PRIMPOL: variants seen among roughly 807,000 people sequenced by gnomAD.
The protein encoded by PRIMPOL is primase and DNA directed polymerase, also known as DNA-directed primase/polymerase protein.
PRIMPOL carries 54 observed loss-of-function variants against 63.6 expected under a neutral mutation model. The ratio of observed to expected loss-of-function variants is 0.85; its 90% confidence interval spans 0.68 to 1.07. The LOEUF (loss-of-function observed/expected upper bound fraction) is 1.07, where lower values mean the gene tolerates loss of function less well. Among genes scored for constraint, PRIMPOL ranks in the 50% least tolerant of loss-of-function variants. PRIMPOL has a pLI of 0.00. For missense variants in PRIMPOL, 610 were observed against 648.3 expected (o/e 0.94, Z 0.64); for synonymous variants, 197 against 220.2 (o/e 0.89, Z 0.93).
chr4:184,686,766 A>AT (rs1038254191), intron 11 of PRIMPOL, among the ~76,000 whole-genome samples: 5 of 152,086 alleles, frequency 3.3e-5, no homozygotes, highest in Non-Finnish European at 7.4e-5. Context: ...CTGGAAACAC[A>AT]TTGGGTAGCA....
intron 8 of PRIMPOL, among the ~76,000 whole-genome samples, chr4:184,678,942 G>A (rs909596233): frequency 6.6e-6 from 1 of 152,034 alleles, no homozygotes; most frequent in Admixed American, 6.6e-5. Flanking sequence ...ATTATATTTA[G>A]TGTATTTTCC....
chr4:184,659,934 C>T (rs1358472227), intron 4 of PRIMPOL, among the ~76,000 whole-genome samples: 1 of 152,018 alleles, frequency 6.6e-6, no homozygotes, highest in African/African-American at 2.4e-5. Flanking sequence ...CGTTGTTCTG[C>T]CTCAGGCTCC....
At position 184,649,866 on chromosome 4, in the gene PRIMPOL, T is replaced by A. The variant is rs1026531483; in HGVS notation, c.-180T>A. 1 of 152,264 alleles carries A rather than the reference T, an allele frequency of 6.6e-6. No individual in the cohort carries two copies. The highest frequency in any genetic ancestry group is 2.4e-5 in the African/African-American group (1 of 41,456). 9.4% of individuals were successfully genotyped at this position (152,264 alleles called of 1,614,324 possible). On this transcript the variant is annotated 5_prime_UTR_variant, in exon 1 of 14. Transcript: ENST00000314970. Reference sequence around the variant, plus strand: ...AGACAAAGCCAGGCCTGCTGCCCAGTTTGAGCTCTGGGAAGAAGAGGAGCA... The same window carrying A: ...AGACAAAGCCAGGCCTGCTGCCCAGATTGAGCTCTGGGAAGAAGAGGAGCA...
intron 8 of PRIMPOL, among the ~76,000 whole-genome samples, chr4:184,681,517 T>C (rs914512593): frequency 2.0e-5 from 3 of 152,104 alleles, no homozygotes; most frequent in African/African-American, 7.2e-5. Context: ...TTATACTATA[T>C]TGTTTTTAAT....
intron 9 of PRIMPOL, among the ~76,000 whole-genome samples, chr4:184,684,849 T>TA (rs892276287): frequency 1.4e-4 from 22 of 151,992 alleles, no homozygotes; most frequent in South Asian, 8.3e-4. Flanking sequence ...TGTACTTTGT[T>TA]AAAAAAAACA....
intron 1 of PRIMPOL, among the ~76,000 whole-genome samples, chr4:184,651,777 T>A (rs1418026950): frequency 6.6e-6 from 1 of 152,150 alleles, no homozygotes; most frequent in Non-Finnish European, 1.5e-5. Flanking sequence ...GCCTCCCAAG[T>A]GGCTGGGATT....
At chr4:184,691,955 TAAG>T (rs1758681930) in intron 13 of PRIMPOL, among the ~76,000 whole-genome samples, 3 of 151,340 alleles carry the variant, frequency 2.0e-5, no homozygotes, top group Admixed American at 6.6e-5. Context: ...CCCAGACATT[TAAG>T]AAGTTTCCCA....
At chr4:184,667,913 C>G (rs1430160914) in intron 6 of PRIMPOL, among the ~76,000 whole-genome samples, 4 of 152,172 alleles carry the variant, frequency 2.6e-5, no homozygotes, top group African/African-American at 9.7e-5. Context: ...TTTCTAGGTG[C>G]ATGAGCCGTG....
At chr4:184,673,330 C>T (rs754164245) in intron 7 of PRIMPOL, among the ~76,000 whole-genome samples, 136 of 151,774 alleles carry the variant, frequency 9.0e-4, no homozygotes, top group Middle Eastern at 6.8e-3. Flanking sequence ...GGGGTTTCAC[C>T]GTGTTAGCCA....
intron 9 of PRIMPOL, among the ~76,000 whole-genome samples, chr4:184,683,657 GTATAGTTTT>G (rs756218524): frequency 6.6e-5 from 10 of 152,090 alleles, no homozygotes; most frequent in Non-Finnish European, 1.3e-4. Flanking sequence ...TTTAATGGTT[GTATAGTTTT>G]TCATGGTATA....
intron 11 of PRIMPOL, among the ~76,000 whole-genome samples, chr4:184,687,618 TTC>T (rs1362180600): frequency 6.6e-6 from 1 of 152,202 alleles, no homozygotes; most frequent in Non-Finnish European, 1.5e-5. Flanking sequence ...TCTTTTTCTT[TTC>T]TTTTGTTTTT....
rs1174398084 is a variant in PRIMPOL, at chr4:184,685,672, G to A, written c.1283G>A (p.Ser428Asn). The A allele has an allele frequency of 6.8e-7, 1 of 1,479,066 alleles. No homozygotes were observed. Among genetic ancestry groups the A allele is most frequent in the Non-Finnish European group, 9.4e-7 (1 of 1,060,996 alleles). The allele number at this position is 1,479,066 out of a possible 1,614,324, so 91.6% of individuals were successfully genotyped here. ...GAAAACATTGGAAGAGCCCATAAGA[G>A]TAATAATATAATGTAAGTAATATTA... Reference protein sequence around the residue: ...WCENIGRAHKSNNIMILVDLK... With the variant: ...WCENIGRAHKNNNIMILVDLK... The change falls in exon 11 of 14, where the codon AGT becomes AAT. Residue 428 changes from serine (S) to asparagine (N), a missense_variant. Around this residue, in one of 3 missense-constraint regions of PRIMPOL, gnomAD observed 444 missense variants for 456.4 expected, o/e 0.97. Transcript: ENST00000314970.
chr4:184,684,279 A>C (rs1756421068), intron 9 of PRIMPOL, among the ~76,000 whole-genome samples: 1 of 152,040 alleles, frequency 6.6e-6, no homozygotes, highest in Non-Finnish European at 1.5e-5. Context: ...AATGCAGTGA[A>C]ACCCCGTCTC....
chr4:184,680,608 G>T (rs1029589419), intron 8 of PRIMPOL, among the ~76,000 whole-genome samples: 1 of 152,118 alleles, frequency 6.6e-6, no homozygotes, highest in Non-Finnish European at 1.5e-5. Flanking sequence ...GTGGAAGATG[G>T]ATTGTTTTTC....
intron 13 of PRIMPOL, among the ~76,000 whole-genome samples, chr4:184,692,712 T>G (rs746387221): frequency 1.8e-4 from 27 of 152,076 alleles, no homozygotes; most frequent in Non-Finnish European, 3.1e-4. Context: ...CAAATTGCTC[T>G]CCATAAAAAG....
At chr4:184,655,503 G>A (rs1370465261) in intron 2 of PRIMPOL, among the ~76,000 whole-genome samples, 6 of 151,076 alleles carry the variant, frequency 4.0e-5, no homozygotes, top group African/African-American at 1.2e-4. Context: ...TGTATTTTTA[G>A]TAGAGACGGG....
intron 2 of PRIMPOL, among the ~76,000 whole-genome samples, chr4:184,655,090 A>G (rs1745942795): frequency 6.6e-6 from 1 of 151,768 alleles, no homozygotes; most frequent in African/African-American, 2.4e-5. Context: ...GCTCACTGCA[A>G]TCTCTGCCTC....
At chr4:184,681,393 G>A (rs1755580999) in intron 8 of PRIMPOL, among the ~76,000 whole-genome samples, 1 of 151,954 alleles carries the variant, frequency 6.6e-6, no homozygotes, top group Non-Finnish European at 1.5e-5. Context: ...ACAAAAATCT[G>A]CAGATATAAA....
At chr4:184,659,280 CAGTTG>C in intron 3 of PRIMPOL, 55 bp from the exon 4 acceptor site, 1 of 1,193,866 alleles carries the variant, frequency 8.4e-7, no homozygotes. Context: ...TCAGTAGCTA[CAGTTG>C]AGTTTAGGTT....
Sources: gnomAD v4.1 joint callset for allele counts (sites outside exome capture counted in the v4.1 genomes callset) on GRCh38, gnomAD v4.1.1 for gene constraint, gnomAD v4.1.1 regional missense constraint, MANE v1.5 for transcripts, NCBI Gene and HGNC (gene_info 2026-07-23, HGNC 2026-07-21) for gene names.